The following ECHDC1 variants were observed in gnomAD, a reference collection of about 807,000 sequenced individuals.
ECHDC1 encodes ethylmalonyl-CoA decarboxylase 1, also known as ethylmalonyl-CoA decarboxylase.
ECHDC1 carries 29 observed loss-of-function variants against 29.7 expected under a neutral mutation model. That is an observed-to-expected ratio of 0.98 (90% confidence interval 0.73 to 1.33). The LOEUF is 1.33. Among genes scored for constraint, ECHDC1 ranks in the 40% most tolerant of loss-of-function variants. The pLI is 0.00. For missense variants in ECHDC1, 328 were observed against 350.0 expected, an observed-to-expected ratio of 0.94 and a Z score of 0.50; for synonymous variants, 126 against 123.1, an observed-to-expected ratio of 1.02 and a Z score of -0.15.
chr6:127,316,978 C>G (rs1423162886), intron 3 of ECHDC1, among the ~76,000 whole-genome samples: 1 of 152,094 alleles, frequency 6.6e-6, no homozygotes, highest in Non-Finnish European at 1.5e-5. Flanking sequence ...AGTCCAAACT[C>G]ATTGCCTTGT....
chr6:127,289,792 C>T lies in ECHDC1; in HGVS notation c.*77G>A. On this transcript the variant is annotated 3_prime_UTR_variant, in exon 6 of 6. Coordinates refer to ENST00000454859, the MANE Select transcript of ECHDC1 (RefSeq NM_001002030.2). ...TAGCCTTCAAAGTAATTCTGATGTTCATATTTAATATCATTTAACATTTAT... is the reference window on the plus strand; with the variant it reads ...TAGCCTTCAAAGTAATTCTGATGTTTATATTTAATATCATTTAACATTTAT... 1 of 1,362,170 alleles carries T rather than the reference C, an allele frequency of 7.3e-7. No individual in the cohort carries two copies. The highest frequency in any genetic ancestry group is 9.9e-7 in the Non-Finnish European group (1 of 1,007,048). The allele number at this position is 1,362,170 out of a possible 1,614,324, so 84.4% of individuals were successfully genotyped here.
chr6:127,306,872 A>G (rs1781482625), intron 5 of ECHDC1, among the ~76,000 whole-genome samples: 1 of 152,254 alleles, frequency 6.6e-6, no homozygotes, highest in African/African-American at 2.4e-5. Context: ...GCTGGAGAAT[A>G]CACATTCTTT....
chr6:127,324,900 C>A (rs959613449), intron 3 of ECHDC1, among the ~76,000 whole-genome samples: 3 of 152,144 alleles, frequency 2.0e-5, no homozygotes, highest in East Asian at 3.8e-4. Context: ...CCAAATCCCC[C>A]TTACATAAGA....
At chr6:127,328,504 CAG>C (rs1783572448) in intron 2 of ECHDC1, among the ~76,000 whole-genome samples, 1 of 152,150 alleles carries the variant, frequency 6.6e-6, no homozygotes, top group African/African-American at 2.4e-5. Context: ...CACACAATGA[CAG>C]AGTCACCTAA....
At chr6:127,307,622 G>C (rs1423835540) in intron 5 of ECHDC1, among the ~76,000 whole-genome samples, 7 of 108,472 alleles carry the variant, frequency 6.5e-5, no homozygotes, top group African/African-American at 2.4e-4. Flanking sequence ...ACTCCAGCCT[G>C]GGTGACAGAG....
chr6:127,335,875 A>G (rs985428273), intron 1 of ECHDC1, among the ~76,000 whole-genome samples: 1 of 152,110 alleles, frequency 6.6e-6, no homozygotes, highest in South Asian at 2.1e-4. Flanking sequence ...AAACTCATAC[A>G]GTATAACTTA....
chr6:127,294,469 GAGAA>G (rs1780432576), intron 5 of ECHDC1: 1 of 152,136 alleles, frequency 6.6e-6, no homozygotes, highest in African/African-American at 2.4e-5. Flanking sequence ...CAATGGAAAA[GAGAA>G]AGAACCCAAA....
At chr6:127,299,758 C>T (rs1200759697) in intron 5 of ECHDC1, among the ~76,000 whole-genome samples, 2 of 152,148 alleles carry the variant, frequency 1.3e-5, no homozygotes, top group East Asian at 1.9e-4. Context: ...TAGGCCTTCA[C>T]ATTCACTTGC....
At chr6:127,309,348 C>G (rs1184023922) in intron 5 of ECHDC1, among the ~76,000 whole-genome samples, 2 of 151,960 alleles carry the variant, frequency 1.3e-5, no homozygotes, top group Non-Finnish European at 2.9e-5. Flanking sequence ...AAAACACAGT[C>G]TCTTCAATAA....
At chr6:127,316,220 T>A (rs1014958279) in intron 4 of ECHDC1, 7 of 475,770 alleles carry the variant, frequency 1.5e-5, no homozygotes, top group African/African-American at 1.4e-4. Context: ...AGGGGATATG[T>A]CTTAAATTTT....
chr6:127,322,640 A>G (rs117687064), intron 3 of ECHDC1, among the ~76,000 whole-genome samples: 1,160 of 100,664 alleles, frequency 0.012, 11 homozygotes, highest in Non-Finnish European at 0.015. Context: ...CTATATATAT[A>G]TGTGTGTATA....
At chr6:127,331,450 C>T (rs1402558612) in intron 1 of ECHDC1, among the ~76,000 whole-genome samples, 2 of 152,082 alleles carry the variant, frequency 1.3e-5, no homozygotes, top group African/African-American at 2.4e-5. Context: ...CTGGCCACTT[C>T]CCCATTTCTA....
At chr6:127,328,951 C>T (rs184921628) in intron 2 of ECHDC1, among the ~76,000 whole-genome samples, 151 of 152,076 alleles carry the variant, frequency 9.9e-4, no homozygotes, top group African/African-American at 3.2e-3. Flanking sequence ...GGCGTAAACC[C>T]GGGAGGCAGA....
rs1779987084 is a variant in ECHDC1 at position 127,289,979 on chromosome 6, C to CT, written c.795dup (p.Glu266ArgfsTer30). The CT allele has an allele frequency of 6.2e-7, 1 of 1,613,560 alleles. No individual in the cohort carries two copies. Among genetic ancestry groups the CT allele is most frequent in the Non-Finnish European group, 8.5e-7 (1 of 1,179,736 alleles). ...TGTAATGCTTCCTCCAAATATAGCTCTCTGCCTGAACAAACAGATTTTTTC... is the reference window on the plus strand; with the variant it reads ...TGTAATGCTTCCTCCAAATATAGCTCTTCTGCCTGAACAAACAGATTTTTTC... On this transcript the variant is annotated frameshift_variant, in exon 6 of 6. Coordinates refer to ENST00000454859, the MANE Select transcript of ECHDC1 (RefSeq NM_001002030.2). LOFTEE classifies it high-confidence loss of function.
chr6:127,315,380 T>A (rs890856774), intron 4 of ECHDC1: 1 of 302,738 alleles, frequency 3.3e-6, no homozygotes, highest in Non-Finnish European at 6.5e-6. Flanking sequence ...GTTATGAAGT[T>A]TCCTTCAAAA....
intron 5 of ECHDC1, among the ~76,000 whole-genome samples, chr6:127,296,911 G>A (rs1283707253): frequency 6.6e-6 from 1 of 152,000 alleles, no homozygotes; most frequent in Non-Finnish European, 1.5e-5. Flanking sequence ...AGGCTGAGGT[G>A]GGAGGATGAC....
At chr6:127,313,490 AC>A in intron 5 of ECHDC1, 1 of 434,378 alleles carries the variant, frequency 2.3e-6, no homozygotes, top group Non-Finnish European at 4.7e-6. Context: ...GGCATGAGCC[AC>A]CACGCCAGGC....
chr6:127,337,580 T>C (rs1471497106), intron 1 of ECHDC1, among the ~76,000 whole-genome samples: 5 of 152,212 alleles, frequency 3.3e-5, no homozygotes, highest in Non-Finnish European at 7.3e-5. Context: ...CTAAAATATG[T>C]AAAACCAAGT....
intron 3 of ECHDC1, among the ~76,000 whole-genome samples, chr6:127,317,114 A>G (rs930599690): frequency 6.6e-6 from 1 of 151,746 alleles, no homozygotes; most frequent in Non-Finnish European, 1.5e-5. Context: ...TTCCTTATTC[A>G]CCTTTTCTCT....
Sources: gnomAD v4.1 joint callset for allele counts (sites outside exome capture counted in the v4.1 genomes callset) on GRCh38, gnomAD v4.1.1 for gene constraint, MANE v1.5 for transcripts, NCBI Gene and HGNC (gene_info 2026-07-23, HGNC 2026-07-21) for gene names.